The following KDM6A variants were observed in gnomAD, a reference collection of about 807,000 sequenced individuals.
KDM6A encodes lysine-specific demethylase 6A.
KDM6A carries 11 observed loss-of-function variants against 117.6 expected under a neutral mutation model. That is an observed-to-expected ratio of 0.09 (90% CI 0.06 to 0.15). KDM6A has a LOEUF of 0.15. Ranked by LOEUF, KDM6A falls within the 10% of genes least tolerant of loss-of-function variation. The probability of loss-of-function intolerance (pLI) is 1.00; values close to 1 mark genes in which losing one functional copy is unlikely to be tolerated. For synonymous variants in KDM6A, 384 were observed against 396.1 expected (o/e 0.97, Z 0.36); for missense variants, 799 against 1,077.3 (o/e 0.74, Z 3.62).
intron 4 of KDM6A, among the ~76,000 whole-genome samples, chrX:44,981,453 A>G (rs1274682630): frequency 8.9e-6 from 1 of 111,827 alleles, no homozygotes; most frequent in African/African-American, 3.2e-5. Flanking sequence ...CTCTCTGGGC[A>G]TGTCACCCTC....
At chrX:45,086,106 C>G (rs2045628977) in intron 25 of KDM6A, 127 bp downstream of exon 25, 1 of 477,026 alleles carries the variant, frequency 2.1e-6, no homozygotes, top group African/African-American at 2.4e-5. Context: ...GCGAAGAATT[C>G]ATTTTAAATT....
intron 4 of KDM6A, among the ~76,000 whole-genome samples, chrX:44,991,162 AT>A (rs2040559421): frequency 9.0e-6 from 1 of 111,564 alleles, no homozygotes; most frequent in Non-Finnish European, 1.9e-5. Context: ...TCCTTAATTA[AT>A]TTCTGATTCT....
At chrX:44,909,015 TAAACACA>T (rs2034909437) in intron 2 of KDM6A, among the ~76,000 whole-genome samples, 1 of 112,217 alleles carries the variant, frequency 8.9e-6, no homozygotes, top group Admixed American at 9.4e-5. Flanking sequence ...TATCACATAG[TAAACACA>T]TTTGGTAAAT....
chrX:45,054,541 C>T (rs762051624), intron 10 of KDM6A, among the ~76,000 whole-genome samples: 1 of 111,922 alleles, frequency 8.9e-6, no homozygotes, highest in South Asian at 3.7e-4. Context: ...AACCATTTCT[C>T]CATACTATTT....
rs1250295025 is a variant in KDM6A, at chrX:45,082,847, T to C, written c.3440+58T>C. 2.4e-5 allele frequency: 18 copies of C among 749,468 alleles called. No individual in the cohort carries two copies. In the African/African-American group the frequency reaches 3.1e-4, roughly 13 times the overall value. The allele number at this position is 749,468 out of a possible 1,213,427, so 61.8% of individuals were successfully genotyped here. A position where few individuals can be genotyped will look rare whatever the true frequency, so the allele number is the denominator to read the frequency against. ...ATGCAAAGAGTTATCCTGTGCTAGA[T>C]TGGGAATTCTCTACAATTTCCTCTT... On this transcript the variant is annotated intron_variant, in intron 23 of 29. Transcript: ENST00000611820.
At chrX:45,077,451 G>A (rs1390212526) in intron 19 of KDM6A, among the ~76,000 whole-genome samples, 3 of 110,516 alleles carry the variant, frequency 2.7e-5, no homozygotes, top group Non-Finnish European at 5.7e-5. Context: ...TTAAAATTTT[G>A]TAAGTATAAA....
intron 3 of KDM6A, among the ~76,000 whole-genome samples, chrX:44,963,440 AGTGTGTGTGTGTGTGT>A (rs747821170): frequency 8.6e-5 from 6 of 69,882 alleles, no homozygotes; most frequent in South Asian, 2.0e-3. Flanking sequence ...AGGGTGACAG[AGTGTGTGTGTGTGTGT>A]GTGTGTGTGT....
intron 2 of KDM6A, among the ~76,000 whole-genome samples, chrX:44,949,156 C>T (rs1231174518): frequency 4.5e-5 from 5 of 111,246 alleles, no homozygotes; most frequent in Non-Finnish European, 7.5e-5. Context: ...TTTGGGAGGC[C>T]GAGGCAGGTA....
chrX:45,029,044 G>T (rs946475417), intron 6 of KDM6A, among the ~76,000 whole-genome samples: 5 of 112,060 alleles, frequency 4.5e-5, no homozygotes, highest in Non-Finnish European at 7.5e-5. Context: ...TTTCTAAAGT[G>T]ATTTCTGGTG....
chrX:44,966,871 T>TC (rs1569489139), intron 3 of KDM6A, among the ~76,000 whole-genome samples: 2 of 88,848 alleles, frequency 2.3e-5, no homozygotes, highest in East Asian at 3.3e-4. Context: ...CTCTCTCTCT[T>TC]TTTTTTTTTT....
chrX:44,994,544 A>G (rs189810366), intron 4 of KDM6A, among the ~76,000 whole-genome samples: 103 of 112,317 alleles, frequency 9.2e-4, no homozygotes, highest in African/African-American at 3.1e-3. Flanking sequence ...TATCTTGTCT[A>G]TTGTGAATAA....
At chrX:45,012,391 C>T (rs1262883579) in intron 5 of KDM6A, among the ~76,000 whole-genome samples, 4 of 108,502 alleles carry the variant, frequency 3.7e-5, no homozygotes, top group East Asian at 3.0e-4. Flanking sequence ...TTAGTAGAGA[C>T]GGAGTTTTAC....
intron 4 of KDM6A, among the ~76,000 whole-genome samples, chrX:44,990,757 T>C (rs146518983): frequency 1.8e-5 from 2 of 111,549 alleles, no homozygotes; most frequent in African/African-American, 6.5e-5. Context: ...CTTTTATGTG[T>C]TAAATTTATC....
chrX:44,942,483 G>A (rs2037391446), intron 2 of KDM6A, among the ~76,000 whole-genome samples: 2 of 110,515 alleles, frequency 1.8e-5, no homozygotes, highest in Non-Finnish European at 3.8e-5. Flanking sequence ...GTCTTTTCAC[G>A]AATACCATAC....
intron 2 of KDM6A, among the ~76,000 whole-genome samples, chrX:44,876,479 A>G (rs937269513): frequency 9.1e-6 from 1 of 109,997 alleles, no homozygotes; most frequent in Non-Finnish European, 1.9e-5. Flanking sequence ...TGTTGGTTTC[A>G]GAATTCTTAT....
At position 44,911,910 on chromosome X, in the gene KDM6A, G is replaced by A. The variant is rs189390971; in HGVS notation, c.225+37923G>A. 8.2e-3 allele frequency among the ~76,000 whole-genome samples: 867 copies of A among 105,258 alleles called. 2 individuals are homozygous for A. The highest frequency in any genetic ancestry group is 0.014 in the Non-Finnish European group (693 of 51,094). 91.4% of individuals were successfully genotyped at this position (105,258 alleles called of 115,157 possible). A position where few individuals can be genotyped will look rare whatever the true frequency, so the allele number is the denominator to read the frequency against. On this transcript the variant is annotated intron_variant, in intron 2 of 29. Coordinates refer to ENST00000611820, the MANE Select transcript of KDM6A (RefSeq NM_001291415.2). ...GGCGTGGCGGCGCGCGCCTGCAATC[G>A]CAGGCGCTTGGCAGGTTGAGGCAGG...
intron 2 of KDM6A, among the ~76,000 whole-genome samples, chrX:44,922,799 T>C (rs2036048455): frequency 8.8e-6 from 1 of 113,009 alleles, no homozygotes; most frequent in African/African-American, 3.2e-5. Flanking sequence ...TGTTGAGTTT[T>C]GAATGTTTTA....
chrX:45,093,401 CA>C (rs535520823), intron 27 of KDM6A, among the ~76,000 whole-genome samples: 58 of 99,678 alleles, frequency 5.8e-4, no homozygotes, highest in East Asian at 1.9e-3. Flanking sequence ...AACAAACAAA[CA>C]AAAAAAAAAC....
At chrX:45,077,744 A>AT (rs953194025) in intron 19 of KDM6A, among the ~76,000 whole-genome samples, 5 of 111,063 alleles carry the variant, frequency 4.5e-5, no homozygotes, top group African/African-American at 1.6e-4. Context: ...TTTAGGCATA[A>AT]TTTTTTTTCT....
Sources: allele counts gnomAD v4.1 joint callset (sites outside exome capture counted in the v4.1 genomes callset), GRCh38; gene constraint gnomAD v4.1.1; transcripts MANE v1.5; gene names NCBI Gene and HGNC (gene_info 2026-07-23, HGNC 2026-07-21).